The following PAQR5 variants were observed in gnomAD, a reference collection of about 807,000 sequenced individuals.
PAQR5 encodes progestin and adipoQ receptor family member 5, also known as membrane progestin receptor gamma.
A neutral mutation model predicts 34.5 loss-of-function variants in PAQR5; 20 were observed. That is an observed-to-expected ratio of 0.58 (90% CI 0.41 to 0.84). The LOEUF (loss-of-function observed/expected upper bound fraction) is 0.84, where lower values mean the gene tolerates loss of function less well. Among genes scored for constraint, PAQR5 ranks in the 40% least tolerant of loss-of-function variants. The pLI is 0.00. For synonymous variants in PAQR5, 131 were observed against 155.6 expected (o/e 0.84, Z 1.18); for missense variants, 378 against 412.7 (o/e 0.92, Z 0.73).
chr15:69,381,713 A>G (rs2055888406), intron 4 of PAQR5, among the ~76,000 whole-genome samples: 1 of 152,228 alleles, frequency 6.6e-6, no homozygotes, highest in Non-Finnish European at 1.5e-5. Flanking sequence ...CTGGATCAAG[A>G]TGCCCTAAGG....
Position 69,397,895 on chromosome 15 carries a change from G to A in PAQR5, c.609+331G>A, listed in dbSNP as rs2056497867. On this transcript the variant is annotated intron_variant, in intron 7 of 8. Transcript: ENST00000395407. ...GCTGCCTTGGTGGCACTTGAGGAGT[G>A]GTTAGGAGATGACATAAGCACAGAG... 3 of 345,692 alleles carry A rather than the reference G, an allele frequency of 8.7e-6. No homozygotes were observed. The East Asian group carries it at 1.9e-4, about 22-fold the overall frequency. 21.4% of individuals were successfully genotyped at this position (345,692 alleles called of 1,614,324 possible).
intron 1 of PAQR5, among the ~76,000 whole-genome samples, chr15:69,322,671 AAAG>A (rs1357657205): frequency 8.2e-6 from 1 of 121,712 alleles, no homozygotes; most frequent in Non-Finnish European, 1.7e-5. Flanking sequence ...AAAAAAAAAA[AAAG>A]AAGAAGAAGG....
chr15:69,400,219 G>A (rs1370757797), intron 8 of PAQR5, 104 bp downstream of exon 8: 8 of 1,160,252 alleles, frequency 6.9e-6, no homozygotes, highest in African/African-American at 1.5e-5. Context: ...GGGAAGGGCA[G>A]AGAGAGAGGC....
At chr15:69,380,455 A>T (rs1288696332) in intron 4 of PAQR5, 1 of 158,386 alleles carries the variant, frequency 6.3e-6, no homozygotes. Context: ...GGGTTTGGGG[A>T]GAAAACATTG....
At chr15:69,338,742 T>A (rs951984315) in intron 2 of PAQR5, among the ~76,000 whole-genome samples, 1 of 152,246 alleles carries the variant, frequency 6.6e-6, no homozygotes, top group African/African-American at 2.4e-5. Context: ...CGAACTTAAC[T>A]GACTCCATCT....
At chr15:69,381,758 G>A (rs558489870) in intron 4 of PAQR5, among the ~76,000 whole-genome samples, 1 of 152,274 alleles carries the variant, frequency 6.6e-6, no homozygotes, top group African/African-American at 2.4e-5. Flanking sequence ...ATAACTGAAG[G>A]ATACATTTTG....
intron 8 of PAQR5, among the ~76,000 whole-genome samples, chr15:69,400,347 G>A (rs2056587095): frequency 6.6e-6 from 1 of 152,188 alleles, no homozygotes; most frequent in African/African-American, 2.4e-5. Flanking sequence ...ATTCTGATGG[G>A]GTATGGAGCC....
At chr15:69,300,933 C>CTTTCTTTCCT (rs1183361471) in intron 1 of PAQR5, among the ~76,000 whole-genome samples, 5 of 8,402 alleles carry the variant, frequency 6.0e-4, no homozygotes, top group Non-Finnish European at 7.1e-4. Context: ...CTCTCTCTCT[C>CTTTCTTTCCT]TCTCTCTTTC....
At chr15:69,393,021 A>T (rs946130367) in intron 6 of PAQR5, among the ~76,000 whole-genome samples, 20 of 152,008 alleles carry the variant, frequency 1.3e-4, no homozygotes, top group Admixed American at 1.1e-3. Context: ...AAAAAAAAAA[A>T]TCCTACGCAC....
intron 8 of PAQR5, among the ~76,000 whole-genome samples, chr15:69,401,351 G>T (rs2056620850): frequency 6.6e-6 from 1 of 152,214 alleles, no homozygotes; most frequent in African/African-American, 2.4e-5. Flanking sequence ...GATGCAGTTT[G>T]TTTGATCTGA....
rs191550890 is a variant in PAQR5, at chr15:69,334,713, T to C, written c.-276-2628T>C. Among the ~76,000 whole-genome samples, 516 of 152,296 alleles carry C rather than the reference T, an allele frequency of 3.4e-3. 1 individual carries two copies. The highest frequency in any genetic ancestry group is 4.7e-3 in the Non-Finnish European group (321 of 68,026). ...GAGAATGCGTTTTACATACTAGGTGTGTAGGGAATGTGTTTTTGGTAAAAG... is the reference window on the plus strand; with the variant it reads ...GAGAATGCGTTTTACATACTAGGTGCGTAGGGAATGTGTTTTTGGTAAAAG... On this transcript the variant is annotated intron_variant, in intron 1 of 8. Coordinates refer to ENST00000395407, the MANE Select transcript of PAQR5 (RefSeq NM_017705.4).
intron 2 of PAQR5, among the ~76,000 whole-genome samples, chr15:69,358,911 T>G (rs2055154682): frequency 6.6e-6 from 1 of 152,096 alleles, no homozygotes; most frequent in Non-Finnish European, 1.5e-5. Flanking sequence ...CCACCACACC[T>G]GGCCTTAGCT....
At chr15:69,299,494 C>T (rs946202672) in intron 1 of PAQR5, among the ~76,000 whole-genome samples, 1 of 152,328 alleles carries the variant, frequency 6.6e-6, no homozygotes, top group Admixed American at 6.5e-5. Context: ...GCCTCCTGAG[C>T]CCAGATGTGA....
chr15:69,313,835 C>T (rs2053882751), intron 1 of PAQR5, among the ~76,000 whole-genome samples: 1 of 152,040 alleles, frequency 6.6e-6, no homozygotes, highest in Non-Finnish European at 1.5e-5. Flanking sequence ...GGAGTTCCTG[C>T]CAACAGTGAG....
chr15:69,325,158 C>T (rs1339013229), intron 1 of PAQR5, among the ~76,000 whole-genome samples: 1 of 152,222 alleles, frequency 6.6e-6, no homozygotes, highest in Non-Finnish European at 1.5e-5. Context: ...CTCAGCCTCC[C>T]AGTGTGCTGG....
In PAQR5 at chr15:69,359,957, C is replaced by T; in HGVS notation, c.-115-9C>T. 2.8e-6 allele frequency: 2 copies of T among 726,568 alleles called. No individual in the cohort carries two copies. Among genetic ancestry groups the T allele is most frequent in the Non-Finnish European group, 2.4e-6 (1 of 410,490 alleles). 45.0% of individuals were successfully genotyped at this position (726,568 alleles called of 1,614,324 possible). ...ACTGACTGGATTTCTTCATGCTGTC[C>T]TCTTTCAGGGAAGCGGCACAGCACC... On this transcript the variant is annotated splice_polypyrimidine_tract_variant and intron_variant, in intron 2 of 8. Transcript: ENST00000395407.
rs752491600 is a variant in PAQR5, at chr15:69,403,652, G to C, written c.823G>C (p.Asp275His). 1.9e-6 allele frequency: 3 copies of C among 1,614,070 alleles called. No individual in the cohort carries two copies. The highest frequency in any genetic ancestry group is 2.5e-6 in the Non-Finnish European group (3 of 1,179,976). ...CATGCAGATGGAAGCCATACTTCTGGACAAGACTCTGAGGAAGGAATGGCT... is the reference window on the plus strand; with the variant it reads ...CATGCAGATGGAAGCCATACTTCTGCACAAGACTCTGAGGAAGGAATGGCT... ...THMQMEAILL[D>H]KTLRKEWLLA... is the part of the protein sequence containing the mutation. Residue 275 changes from aspartate (D) to histidine (H), a missense_variant, in exon 9 of 9, where the codon GAC becomes CAC. Coordinates refer to ENST00000395407, the MANE Select transcript of PAQR5 (RefSeq NM_017705.4).
chr15:69,336,745 T>C (rs1191284838), intron 1 of PAQR5, among the ~76,000 whole-genome samples: 1 of 152,222 alleles, frequency 6.6e-6, no homozygotes, highest in African/African-American at 2.4e-5. Flanking sequence ...AAAGAGAGAA[T>C]GGTGTTTGGT....
At chr15:69,308,837 G>A (rs1376611852) in intron 1 of PAQR5, among the ~76,000 whole-genome samples, 2 of 152,026 alleles carry the variant, frequency 1.3e-5, no homozygotes, top group Non-Finnish European at 2.9e-5. Context: ...CTTCCTCACT[G>A]AATGAATGGG....
Sources: gnomAD v4.1 joint callset for allele counts (sites outside exome capture counted in the v4.1 genomes callset) on GRCh38, gnomAD v4.1.1 for gene constraint, MANE v1.5 for transcripts, NCBI Gene and HGNC (gene_info 2026-07-23, HGNC 2026-07-21) for gene names.